The following ADAMTS17 variants were observed in gnomAD, a reference collection of about 807,000 sequenced individuals.
ADAMTS17 encodes A disintegrin and metalloproteinase with thrombospondin motifs 17.
In ADAMTS17, 113 loss-of-function variants were observed where a neutral mutation model predicts 141.5. That is an observed-to-expected ratio of 0.80 (90% CI 0.69 to 0.93). The LOEUF is 0.93. ADAMTS17 is among the 40% of genes least tolerant of loss of function. The pLI, the probability that ADAMTS17 is intolerant of heterozygous loss-of-function variation, is 0.00. For missense variants in ADAMTS17, 1,659 were observed against 1,517.9 expected (o/e 1.09, Z -1.54); for synonymous variants, 768 against 630.6 (o/e 1.22, Z -3.27).
chr15:100,143,189 A>G (rs1028275540), intron 10 of ADAMTS17, among the ~76,000 whole-genome samples: 17 of 152,184 alleles, frequency 1.1e-4, no homozygotes, highest in African/African-American at 3.9e-4. Flanking sequence ...TGAGGCAGGG[A>G]TCTCACAGTC....
At chr15:100,182,879 T>C (rs1438396578) in intron 8 of ADAMTS17, among the ~76,000 whole-genome samples, 2 of 152,258 alleles carry the variant, frequency 1.3e-5, no homozygotes, top group Non-Finnish European at 2.9e-5. Context: ...ACTCAGCTTC[T>C]TGAATCTGCA....
At chr15:100,176,771 G>A (rs116208445) in intron 8 of ADAMTS17, among the ~76,000 whole-genome samples, 1,925 of 152,104 alleles carry the variant, frequency 0.013, 39 homozygotes, top group African/African-American at 0.042. Context: ...CATAACCACC[G>A]TCCTCCCTAT....
At chr15:100,288,066 A>T (rs2044505187) in intron 3 of ADAMTS17, among the ~76,000 whole-genome samples, 1 of 152,256 alleles carries the variant, frequency 6.6e-6, no homozygotes, top group African/African-American at 2.4e-5. Context: ...ACAAAGTGAC[A>T]AGTTGGATAA....
chr15:100,313,517 G>A (rs955809592), intron 3 of ADAMTS17, among the ~76,000 whole-genome samples: 6 of 152,190 alleles, frequency 3.9e-5, no homozygotes, highest in Non-Finnish European at 5.9e-5. Context: ...ATCTGAGACC[G>A]TTTGGGCATC....
intron 4 of ADAMTS17, among the ~76,000 whole-genome samples, chr15:100,271,054 A>C (rs1273457510): frequency 6.6e-6 from 1 of 151,996 alleles, no homozygotes; most frequent in Non-Finnish European, 1.5e-5. Flanking sequence ...CAGCTCATCT[A>C]TGTTACAGCA....
chr15:100,083,263 T>C (rs935763940), intron 15 of ADAMTS17, among the ~76,000 whole-genome samples: 1 of 152,200 alleles, frequency 6.6e-6, no homozygotes, highest in Non-Finnish European at 1.5e-5. Flanking sequence ...GTGACCTCAC[T>C]CTGCAGGGCC....
chr15:100,243,199 T>G lies in ADAMTS17; in HGVS notation c.1075+10937A>C, dbSNP rs996409228. Among the ~76,000 whole-genome samples the G allele has an allele frequency of 7.9e-5, 12 of 152,238 alleles. No individual in the cohort carries two copies. In the East Asian group the frequency reaches 2.3e-3, roughly 29 times the overall value. On this transcript the variant is annotated intron_variant, in intron 7 of 21. Transcript: ENST00000268070. ...GCTGAGTAATACTCCACTGTGTGGA[T>G]AGACCACATTTTTGTTTATCCACTC...
At chr15:100,115,134 G>A (rs563303192) in intron 13 of ADAMTS17, among the ~76,000 whole-genome samples, 1 of 152,304 alleles carries the variant, frequency 6.6e-6, no homozygotes, top group African/African-American at 2.4e-5. Context: ...GAAAGCTGAA[G>A]GTTCGGATTC....
intron 8 of ADAMTS17, among the ~76,000 whole-genome samples, chr15:100,197,267 C>G (rs543872136): frequency 7.2e-5 from 11 of 152,364 alleles, no homozygotes; most frequent in Non-Finnish European, 1.5e-4. Flanking sequence ...TGGCGTGGGA[C>G]ATTGCAGTTC....
intron 15 of ADAMTS17, among the ~76,000 whole-genome samples, chr15:100,092,888 C>G (rs568660548): frequency 1.3e-5 from 2 of 152,254 alleles, no homozygotes; most frequent in East Asian, 3.9e-4. Context: ...TGGAGACTGA[C>G]CAGCCACCTT....
intron 3 of ADAMTS17, among the ~76,000 whole-genome samples, chr15:100,285,640 G>C (rs2044422462): frequency 6.6e-6 from 1 of 152,198 alleles, no homozygotes; most frequent in Non-Finnish European, 1.5e-5. Flanking sequence ...AATAGGCAAG[G>C]AGTAGCCTGC....
chr15:100,140,492 T>C (rs544944870), intron 10 of ADAMTS17, among the ~76,000 whole-genome samples: 1,918 of 141,390 alleles, frequency 0.014, 48 homozygotes, highest in African/African-American at 0.045. Flanking sequence ...TACATACATA[T>C]ATATATATAT....
chr15:100,270,653 C>A (rs2043874044), intron 4 of ADAMTS17, among the ~76,000 whole-genome samples: 1 of 151,134 alleles, frequency 6.6e-6, no homozygotes, highest in Non-Finnish European at 1.5e-5. Flanking sequence ...CAGGCACTGA[C>A]AAAATGTTGA....
intron 6 of ADAMTS17, chr15:100,257,159 G>C (rs2141977163): frequency 6.6e-6 from 1 of 152,366 alleles, no homozygotes; most frequent in East Asian, 1.9e-4. Flanking sequence ...TGGCCCCTGA[G>C]CGCAGCCAGG....
intron 11 of ADAMTS17, among the ~76,000 whole-genome samples, chr15:100,132,960 A>C (rs915822486): frequency 2.0e-5 from 3 of 152,324 alleles, no homozygotes; most frequent in African/African-American, 7.2e-5. Context: ...CTTTTAAGTA[A>C]ATTTCCTTAC....
chr15:100,179,476 TG>T (rs1223944801), intron 8 of ADAMTS17, among the ~76,000 whole-genome samples: 2 of 152,236 alleles, frequency 1.3e-5, no homozygotes, highest in Non-Finnish European at 2.9e-5. Context: ...TTCCAAATCT[TG>T]GCTATTGTGA....
intron 15 of ADAMTS17, among the ~76,000 whole-genome samples, chr15:100,056,794 T>C (rs2032611169): frequency 6.6e-6 from 1 of 152,070 alleles, no homozygotes; most frequent in Admixed American, 6.6e-5. Context: ...TCAGCCTATT[T>C]TGAGGGCCTC....
rs914675842 is a variant in ADAMTS17 at position 100,341,274 on chromosome 15, G to T, written c.215C>A (p.Pro72Gln). Reference sequence around the variant, plus strand: ...GGCGCGCTCTCCGGGCCGGGCGCGCGGGGCGGCTGGGGGCGTGCGGGGGCG... The same window carrying T: ...GGCGCGCTCTCCGGGCCGGGCGCGCTGGGCGGCTGGGGGCGTGCGGGGGCG... ...RRRPRTPPAA[P>Q]RARPGERALL... The change falls in exon 2 of 22, where the codon CCG becomes CAG. Residue 72 changes from proline (P) to glutamine (Q), a missense_variant. By Grantham distance (76) the Pro-to-Gln change is moderately conservative (BLOSUM62 -1). Coordinates refer to ENST00000268070, the MANE Select transcript of ADAMTS17 (RefSeq NM_139057.4). The T allele has an allele frequency of 1.7e-6, 2 of 1,177,028 alleles. No individual in the cohort carries two copies. The highest frequency in any genetic ancestry group is 4.7e-5 in the Admixed American group (1 of 21,444). 72.9% of individuals were successfully genotyped at this position (1,177,028 alleles called of 1,614,324 possible). A position where few individuals can be genotyped will look rare whatever the true frequency, so the allele number is the denominator to read the frequency against.
intron 7 of ADAMTS17, among the ~76,000 whole-genome samples, chr15:100,219,761 C>G (rs1297351115): frequency 6.6e-6 from 1 of 152,228 alleles, no homozygotes; most frequent in African/African-American, 2.4e-5. Flanking sequence ...GCCCCTTCAT[C>G]TGACCTGGGA....
Sources: gnomAD v4.1 joint callset for allele counts (sites outside exome capture counted in the v4.1 genomes callset) on GRCh38, gnomAD v4.1.1 for gene constraint, MANE v1.5 for transcripts, NCBI Gene and HGNC (gene_info 2026-07-23, HGNC 2026-07-21) for gene names.